ARID5B: variants seen among roughly 807,000 people sequenced by gnomAD.
The protein encoded by ARID5B is AT-rich interaction domain 5B.
ARID5B carries 13 observed loss-of-function variants against 97.2 expected under a neutral mutation model. The observed-to-expected ratio is 0.13, with a 90% CI of 0.09 to 0.21. ARID5B has a LOEUF of 0.21. Ranked by LOEUF, ARID5B falls within the 10% of genes least tolerant of loss-of-function variation. The pLI is 1.00. For missense variants in ARID5B, 1,210 were observed against 1,465.3 expected (o/e 0.83, Z 2.84); for synonymous variants, 556 against 570.3 (o/e 0.97, Z 0.36).
chr10:62,091,168 G>A lies in ARID5B; in HGVS notation c.1705G>A (p.Ala569Thr). The change falls in exon 10 of 10, where the codon GCC becomes ACC. Residue 569 changes from alanine (A) to threonine (T), a missense_variant. Transcript: ENST00000279873. ...ASKQPLTSPS[A>T]LVDSKQESKL... ...CAAACAGCCACTCACCTCTCCTAGTGCCCTGGTGGACTCAAAACAAGAATC... is the reference window on the plus strand; with the variant it reads ...CAAACAGCCACTCACCTCTCCTAGTACCCTGGTGGACTCAAAACAAGAATC... The A allele has an allele frequency of 1.3e-5, 21 of 1,614,100 alleles. No homozygotes were observed. The highest frequency in any genetic ancestry group is 1.8e-5 in the Non-Finnish European group (21 of 1,180,024).
At chr10:62,055,702 A>T (rs1312955282) in intron 5 of ARID5B, among the ~76,000 whole-genome samples, 1 of 152,206 alleles carries the variant, frequency 6.6e-6, no homozygotes, top group Non-Finnish European at 1.5e-5. Flanking sequence ...AATCCTACCT[A>T]GAAGCCCCAT....
rs751262194 is a variant in ARID5B at position 61,940,420 on chromosome 10, T to C, written c.502+12T>C. ...GAAGGCAGACCTGGGTAAATATGAC[T>C]TGTAATTTTAAATCTAATGTGTGGG... On this transcript the variant is annotated intron_variant, in intron 3 of 9. Coordinates refer to ENST00000279873, the MANE Select transcript of ARID5B (RefSeq NM_032199.3). 1.2e-6 allele frequency: 2 copies of C among 1,604,382 alleles called. No homozygotes were observed. The highest frequency in any genetic ancestry group is 1.7e-6 in the Non-Finnish European group (2 of 1,174,332).
chr10:62,092,729 C>G lies in ARID5B; in HGVS notation c.3266C>G (p.Ser1089Trp). The change falls in exon 10 of 10, where the codon TCG becomes TGG. Residue 1089 changes from serine to tryptophan, a missense_variant. This residue lies in a region of ARID5B where 800 missense variants were observed against 839.1 expected (regional missense o/e 0.95). Coordinates refer to ENST00000279873, the MANE Select transcript of ARID5B (RefSeq NM_032199.3). ...PGLYSGSLCNSGLNSRLPAGY... is the reference protein window; with the variant it reads ...PGLYSGSLCNWGLNSRLPAGY... ...CTGTATTCCGGGAGCCTGTGTAACT[C>G]GGGCCTCAACTCCAGGCTCCCGGCT... 1.2e-6 allele frequency: 2 copies of G among 1,614,106 alleles called. No homozygotes were observed. The highest frequency in any genetic ancestry group is 2.2e-5 in the East Asian group (1 of 44,878).
intron 8 of ARID5B, among the ~76,000 whole-genome samples, chr10:62,072,996 C>G (rs539362256): frequency 6.6e-6 from 1 of 152,180 alleles, no homozygotes; most frequent in Non-Finnish European, 1.5e-5. Context: ...ACAGATAAAA[C>G]AGAGATGACT....
Position 62,000,175 on chromosome 10 carries a change from A to G in ARID5B, c.587A>G (p.Asp196Gly), listed in dbSNP as rs1320295439. The change falls in exon 4 of 10, where the codon GAT becomes GGT. Residue 196 changes from aspartate (D) to glycine (G), a missense_variant. Physicochemically the swap from Asp to Gly is moderately conservative, Grantham distance 94. This residue lies in a region of ARID5B where 132 missense variants were observed against 156.7 expected (regional missense o/e 0.84). Transcript: ENST00000279873. The surrounding 1 kb of genome is among the most constrained non-coding windows in gnomAD (Gnocchi z 4.4). ...CGCTCGATGCTGAAACGCATCCAGG[A>G]TAAGCCATCTTCCATTCTAACGGAC... The part of the protein sequence containing the change: ...RYRSMLKRIQ[D>G]KPSSILTDQF... The G allele has an allele frequency of 1.2e-6, 2 of 1,614,060 alleles. No individual in the cohort carries two copies. The highest frequency in any genetic ancestry group is 3.3e-5 in the Admixed American group (2 of 60,026).
Position 62,094,302 on chromosome 10 carries a change from C to T in ARID5B, c.*1272C>T, listed in dbSNP as rs1327345415. 4.3e-6 allele frequency: 1 copy of T among 231,330 alleles called. No homozygotes were observed. The highest frequency in any genetic ancestry group is 6.1e-5 in the East Asian group (1 of 16,332). The allele number at this position is 231,330 out of a possible 1,614,324, so 14.3% of individuals were successfully genotyped here. A position where few individuals can be genotyped will look rare whatever the true frequency, so the allele number is the denominator to read the frequency against. On this transcript the variant is annotated 3_prime_UTR_variant, in exon 10 of 10. Coordinates refer to ENST00000279873, the MANE Select transcript of ARID5B (RefSeq NM_032199.3). ...CTGCAGTCCTGATAGCTTCTCTAGC[C>T]TCGGTCTTTTGAGTGATAAGTAGTC...
intron 2 of ARID5B, among the ~76,000 whole-genome samples, chr10:61,913,127 C>T (rs1421952388): frequency 1.3e-5 from 2 of 152,130 alleles, no homozygotes; most frequent in Admixed American, 6.5e-5. Flanking sequence ...GCTGGTGATA[C>T]AAGGCAAAAG....
At chr10:61,979,138 T>C (rs1225222490) in intron 3 of ARID5B, among the ~76,000 whole-genome samples, 1 of 152,166 alleles carries the variant, frequency 6.6e-6, no homozygotes, top group Admixed American at 6.5e-5. Context: ...GGCCTGCCAG[T>C]GGGAGGTGCT....
At chr10:61,968,279 T>G (rs1483226914) in intron 3 of ARID5B, among the ~76,000 whole-genome samples, 1 of 151,418 alleles carries the variant, frequency 6.6e-6, no homozygotes, top group Non-Finnish European at 1.5e-5. Flanking sequence ...TTCTTTTCTA[T>G]TATATCCTAT....
intron 4 of ARID5B, among the ~76,000 whole-genome samples, chr10:62,012,235 G>A (rs571927246): frequency 6.6e-6 from 1 of 152,152 alleles, no homozygotes; most frequent in Admixed American, 6.5e-5. Flanking sequence ...ACTTCACAGG[G>A]GAGGAAAGAG....
At chr10:62,077,424 G>T (rs1840152469) in intron 8 of ARID5B, among the ~76,000 whole-genome samples, 1 of 152,038 alleles carries the variant, frequency 6.6e-6, no homozygotes, top group Non-Finnish European at 1.5e-5. Context: ...GTAATTAATA[G>T]AAGTTAGAGT....
In ARID5B at chr10:62,092,955, T is replaced by C; in HGVS notation, c.3492T>C (p.Pro1164=). The C allele has an allele frequency of 6.2e-7, 1 of 1,614,152 alleles. No individual in the cohort carries two copies. The highest frequency in any genetic ancestry group is 8.5e-7 in the Non-Finnish European group (1 of 1,180,018). The change falls in exon 10 of 10, where the codon CCT becomes CCC. Residue 1164 remains proline, a synonymous_variant. Transcript: ENST00000279873. ...ACCTTTTGCATAACAGCATTTACCCTTTAGCTGCTATAAATCCTCAAGCTG... is the reference window on the plus strand; with the variant it reads ...ACCTTTTGCATAACAGCATTTACCCCTTAGCTGCTATAAATCCTCAAGCTG... ...YGDLLHNSIY[P]LAAINPQAAF... is the part of the protein sequence containing the mutation.
chr10:62,010,550 T>C (rs1327957325), intron 4 of ARID5B, among the ~76,000 whole-genome samples: 1 of 152,226 alleles, frequency 6.6e-6, no homozygotes, highest in Non-Finnish European at 1.5e-5. Context: ...CTTTCAGCTT[T>C]AGCTCATTGC....
At chr10:62,084,876 C>T (rs560000924) in intron 8 of ARID5B, among the ~76,000 whole-genome samples, 3 of 152,282 alleles carry the variant, frequency 2.0e-5, no homozygotes, top group South Asian at 2.1e-4. Flanking sequence ...CCTTCCTTCT[C>T]GCTGGGGCGG....
intron 3 of ARID5B, among the ~76,000 whole-genome samples, chr10:61,946,686 G>A (rs889427480): frequency 6.6e-6 from 1 of 152,182 alleles, no homozygotes; most frequent in Admixed American, 6.5e-5. Context: ...ACTTTGGGAG[G>A]CCAAGGCGGG....
chr10:62,075,624 C>T (rs971938496), intron 8 of ARID5B, among the ~76,000 whole-genome samples: 4 of 152,234 alleles, frequency 2.6e-5, no homozygotes, highest in Non-Finnish European at 4.4e-5. Flanking sequence ...TGTCAAAGCT[C>T]CTCTTTCACT....
intron 2 of ARID5B, among the ~76,000 whole-genome samples, chr10:61,929,986 A>C (rs1844175193): frequency 6.6e-6 from 1 of 152,188 alleles, no homozygotes; most frequent in Non-Finnish European, 1.5e-5. Flanking sequence ...GCTTGAGTTG[A>C]CTCTGAGGCA....
intron 4 of ARID5B, 143 bp from the exon 5 acceptor site, chr10:62,050,745 A>G: frequency 1.5e-6 from 1 of 662,778 alleles, no homozygotes; most frequent in Non-Finnish European, 2.6e-6. Flanking sequence ...AGAGAGAAGC[A>G]TGTAATAATG....
chr10:61,933,491 T>C (rs1167448746), intron 2 of ARID5B, among the ~76,000 whole-genome samples: 3 of 152,240 alleles, frequency 2.0e-5, no homozygotes, highest in Non-Finnish European at 4.4e-5. Context: ...GTGGCAGCTA[T>C]AGCTTCATAA....
Sources: allele counts gnomAD v4.1 joint callset (sites outside exome capture counted in the v4.1 genomes callset), GRCh38; gene constraint gnomAD v4.1.1; regional missense constraint gnomAD v4.1.1; non-coding constraint Gnocchi (gnomAD v3.1); transcripts MANE v1.5; gene names NCBI Gene and HGNC (gene_info 2026-07-23, HGNC 2026-07-21).